The following TFCP2 variants were observed in gnomAD, a reference collection of about 807,000 sequenced individuals.
TFCP2 encodes alpha-globin transcription factor CP2.
TFCP2 carries 33 observed loss-of-function variants against 73.4 expected under a neutral mutation model. That is an observed-to-expected ratio of 0.45 (90% CI 0.34 to 0.60). TFCP2 has a LOEUF of 0.60. Among genes scored for constraint, TFCP2 ranks in the 20% least tolerant of loss-of-function variants. The pLI, the probability that TFCP2 is intolerant of heterozygous loss-of-function variation, is 0.01. For synonymous variants in TFCP2, 193 were observed against 211.6 expected (o/e 0.91, Z 0.76); for missense variants, 352 against 604.0 (o/e 0.58, Z 4.37).
At chr12:51,130,506 G>A (rs1022067974) in intron 1 of TFCP2, among the ~76,000 whole-genome samples, 2 of 151,926 alleles carry the variant, frequency 1.3e-5, no homozygotes, top group African/African-American at 4.8e-5. Context: ...ACTGTGTTTA[G>A]GGATCCTATT....
chr12:51,111,097 T>C, intron 4 of TFCP2, 114 bp from the exon 5 acceptor site: 3 of 696,598 alleles, frequency 4.3e-6, no homozygotes, highest in Non-Finnish European at 7.3e-6. Flanking sequence ...GTATATCACA[T>C]CCTAAATTTC....
intron 4 of TFCP2, among the ~76,000 whole-genome samples, chr12:51,114,023 C>A (rs1175371037): frequency 6.6e-6 from 1 of 151,998 alleles, no homozygotes. Context: ...CTTCTTGGCA[C>A]TGAATTTGGC....
At chr12:51,156,991 C>G (rs1941548973) in intron 1 of TFCP2, 2 of 150,292 alleles carry the variant, frequency 1.3e-5, no homozygotes, top group African/African-American at 2.4e-5. Flanking sequence ...AATTGCTTAT[C>G]GTAGTCTATT....
intron 1 of TFCP2, among the ~76,000 whole-genome samples, chr12:51,160,553 G>A (rs15209): frequency 6.6e-6 from 1 of 152,112 alleles, no homozygotes; most frequent in Non-Finnish European, 1.5e-5. Context: ...GAACAGATTG[G>A]ATGAGTGTGT....
At chr12:51,117,380 G>A (rs1482444816) in intron 3 of TFCP2, among the ~76,000 whole-genome samples, 1 of 152,150 alleles carries the variant, frequency 6.6e-6, no homozygotes, top group African/African-American at 2.4e-5. Flanking sequence ...ATCTCAAGGA[G>A]GTTACTTTAC....
intron 1 of TFCP2, among the ~76,000 whole-genome samples, chr12:51,152,150 G>T (rs1197410211): frequency 6.6e-6 from 1 of 152,172 alleles, no homozygotes; most frequent in African/African-American, 2.4e-5. Flanking sequence ...AAGTAACACT[G>T]CCAGTAATAG....
chr12:51,159,488 A>G (rs886522185), intron 1 of TFCP2, among the ~76,000 whole-genome samples: 4 of 151,742 alleles, frequency 2.6e-5, no homozygotes, highest in Non-Finnish European at 5.9e-5. Context: ...ACAGGCGCCC[A>G]CCACCATGCC....
chr12:51,124,572 C>A, intron 1 of TFCP2: 1 of 485,508 alleles, frequency 2.1e-6, no homozygotes. Context: ...GAGGTGCAGG[C>A]AGGGTGGGCC....
intron 1 of TFCP2, among the ~76,000 whole-genome samples, chr12:51,166,490 G>C (rs189655504): frequency 2.6e-5 from 4 of 152,042 alleles, no homozygotes; most frequent in African/African-American, 9.6e-5. Context: ...CAGGAATTAG[G>C]GGACAGCTCT....
rs181925862 is a variant in TFCP2, at chr12:51,131,794, C to T, written c.123-13022G>A. On this transcript the variant is annotated intron_variant, in intron 1 of 14. Transcript: ENST00000257915. ...TATTCTAAGTTTGAAAAACCACACA[C>T]TGATTTTTAAAAATAAAATTATTTT... 5.3e-5 allele frequency among the ~76,000 whole-genome samples: 8 copies of T among 152,296 alleles called. No individual in the cohort carries two copies. The East Asian group carries it at 1.5e-3, about 29-fold the overall frequency.
intron 1 of TFCP2, among the ~76,000 whole-genome samples, chr12:51,130,874 C>T (rs1940928098): frequency 6.6e-6 from 1 of 151,758 alleles, no homozygotes; most frequent in African/African-American, 2.4e-5. Flanking sequence ...GTAATCCCAG[C>T]TACTCGAGAG....
At chr12:51,115,119 CTT>C (rs767275906) in intron 4 of TFCP2, among the ~76,000 whole-genome samples, 141 of 83,796 alleles carry the variant, frequency 1.7e-3, no homozygotes, top group African/African-American at 4.1e-3. Flanking sequence ...AAATTGGAAC[CTT>C]TTTTTTTTTT....
intron 1 of TFCP2, among the ~76,000 whole-genome samples, chr12:51,137,195 C>A (rs1401132161): frequency 6.6e-6 from 1 of 152,142 alleles, no homozygotes; most frequent in African/African-American, 2.4e-5. Flanking sequence ...TCATTATGTA[C>A]ATCTCAAAGT....
intron 1 of TFCP2, among the ~76,000 whole-genome samples, chr12:51,128,423 A>G (rs987677989): frequency 6.6e-6 from 1 of 151,832 alleles, no homozygotes; most frequent in Non-Finnish European, 1.5e-5. Context: ...ACTTGTATAC[A>G]TATGTAACAA....
Position 51,172,960 on chromosome 12 carries a change from A to C in TFCP2, c.-538T>G, listed in dbSNP as rs1941893207. 6.4e-6 allele frequency: 1 copy of C among 155,666 alleles called. No individual in the cohort carries two copies. 9.6% of individuals were successfully genotyped at this position (155,666 alleles called of 1,614,324 possible). A position where few individuals can be genotyped will look rare whatever the true frequency, so the allele number is the denominator to read the frequency against. On this transcript the variant is annotated 5_prime_UTR_variant, in exon 1 of 15. Transcript: ENST00000257915. ...CTTCTCAACCCCACGGCTTAGAACC[A>C]AATCCAGGTTTCCGCTGAGCCGACT...
chr12:51,100,493 C>T (rs1201577162), intron 11 of TFCP2, among the ~76,000 whole-genome samples: 1 of 152,054 alleles, frequency 6.6e-6, no homozygotes, highest in Non-Finnish European at 1.5e-5. Flanking sequence ...TAAAATTTTC[C>T]AAGATTCAAC....
chr12:51,129,508 C>T (rs1294425216), intron 1 of TFCP2, among the ~76,000 whole-genome samples: 1 of 88,732 alleles, frequency 1.1e-5, no homozygotes, highest in African/African-American at 4.7e-5. Flanking sequence ...GTGAAAGACC[C>T]CGTCTCAAAA....
chr12:51,135,640 C>T (rs568341678), intron 1 of TFCP2, among the ~76,000 whole-genome samples: 1 of 152,170 alleles, frequency 6.6e-6, no homozygotes, highest in East Asian at 1.9e-4. Flanking sequence ...GGCCATATCC[C>T]ATGTCAACTA....
intron 1 of TFCP2, among the ~76,000 whole-genome samples, chr12:51,170,976 C>T (rs566848458): frequency 1.3e-5 from 2 of 152,240 alleles, no homozygotes; most frequent in East Asian, 1.9e-4. Flanking sequence ...CCGTGCCCGG[C>T]CTGAAGTATT....
Sources: allele counts gnomAD v4.1 joint callset (sites outside exome capture counted in the v4.1 genomes callset), GRCh38; gene constraint gnomAD v4.1.1; transcripts MANE v1.5; gene names NCBI Gene and HGNC (gene_info 2026-07-23, HGNC 2026-07-21).